Variants in RYR2 observed in about 807,000 individuals in gnomAD.
RYR2 encodes ryanodine receptor 2, also known as cardiac muscle ryanodine receptor-calcium release channel.
RYR2 carries 227 observed loss-of-function variants against 601.1 expected under a neutral mutation model. The ratio of observed to expected loss-of-function variants is 0.38; its 90% CI spans 0.34 to 0.42. The LOEUF (loss-of-function observed/expected upper bound fraction) is 0.42. Ranked by LOEUF, RYR2 falls within the 10% of genes least tolerant of loss-of-function variation. RYR2 has a pLI of 1.00. For synonymous variants in RYR2, 2,223 were observed against 2,175.1 expected, an observed-to-expected ratio of 1.02 and a Z score of -0.61; for missense variants, 4,646 against 6,156.5, an observed-to-expected ratio of 0.75 and a Z score of 8.21.
At chr1:237,245,374 G>A (rs1186061958) in intron 1 of RYR2, among the ~76,000 whole-genome samples, 2 of 152,154 alleles carry the variant, frequency 1.3e-5, no homozygotes, top group African/African-American at 2.4e-5. Flanking sequence ...TTTCTATGTA[G>A]GCTTCTAAAG....
chr1:237,366,256 A>G (rs1700184252), intron 5 of RYR2, among the ~76,000 whole-genome samples: 1 of 152,210 alleles, frequency 6.6e-6, no homozygotes, highest in South Asian at 2.1e-4. Flanking sequence ...CTTTCCATGA[A>G]GACACCATCC....
intron 29 of RYR2, among the ~76,000 whole-genome samples, chr1:237,587,678 A>G (rs1224126653): frequency 6.6e-6 from 1 of 152,204 alleles, no homozygotes; most frequent in Non-Finnish European, 1.5e-5. Flanking sequence ...AGAATTGTAA[A>G]CATAGCTATG....
At chr1:237,645,569 C>T (rs980376139) in intron 48 of RYR2, among the ~76,000 whole-genome samples, 5 of 152,042 alleles carry the variant, frequency 3.3e-5, no homozygotes, top group African/African-American at 1.2e-4. Flanking sequence ...TAACAAAGAA[C>T]CAAGAACATA....
Position 237,123,307 on chromosome 1 carries a change from C to T in RYR2, c.48+80738C>T, listed in dbSNP as rs150999105. Among the ~76,000 whole-genome samples, 477 of 152,242 alleles carry T rather than the reference C, an allele frequency of 3.1e-3. 6 individuals carry two copies. The highest frequency in any genetic ancestry group is 0.011 in the African/African-American group (460 of 41,536). ...TTTTATTTAAAAATACTGATGAGAG[C>T]TGAGTGCTGTGGCTCATACCTGTAA... is the stretch of plus-strand genomic sequence containing the variant. On this transcript the variant is annotated intron_variant, in intron 1 of 104. Transcript: ENST00000366574.
At chr1:237,246,198 C>T (rs765266496) in intron 1 of RYR2, among the ~76,000 whole-genome samples, 63 of 151,010 alleles carry the variant, frequency 4.2e-4, no homozygotes, top group African/African-American at 1.4e-3. Context: ...TGGGTTCCAG[C>T]GATTCTCCTG....
At chr1:237,760,784 G>A (rs1693358759) in intron 83 of RYR2, among the ~76,000 whole-genome samples, 171 bp from the exon 84 acceptor site, 1 of 138,014 alleles carries the variant, frequency 7.2e-6, no homozygotes, top group African/African-American at 2.7e-5. Flanking sequence ...GGAGACACTA[G>A]TCTGCCACTA....
At chr1:237,444,371 T>A (rs1350813561) in intron 13 of RYR2, among the ~76,000 whole-genome samples, 1 of 152,202 alleles carries the variant, frequency 6.6e-6, no homozygotes, top group Non-Finnish European at 1.5e-5. Flanking sequence ...GGCTATAATA[T>A]TTTGCCTTTG....
Position 237,610,861 on chromosome 1 carries a change from C to T in RYR2, c.4783C>T (p.Leu1595=). 1.9e-6 allele frequency: 3 copies of T among 1,613,386 alleles called. No individual in the cohort carries two copies. The South Asian group carries it at 3.3e-5, about 18-fold the overall frequency. The change falls in exon 36 of 105, where the codon CTG becomes TTG. Residue 1595 remains leucine, a synonymous_variant. Transcript: ENST00000366574. This position sits in a 1 kb window ranked among gnomAD's most constrained non-coding sequence, Gnocchi z 4.9. The stretch of plus-strand genomic sequence containing the variant: ...CCACGTGCAGTTCCTGTCACACGTC[C>T]TGTGGAGCAGAATGCCCAACCAGTT... ...RLHVQFLSHV[L]WSRMPNQFLK...
At chr1:237,225,985 G>A (rs1016462151) in intron 1 of RYR2, among the ~76,000 whole-genome samples, 4 of 151,926 alleles carry the variant, frequency 2.6e-5, no homozygotes, top group Non-Finnish European at 5.9e-5. Flanking sequence ...AACTGGGGAG[G>A]TGGAGGTTGC....
Position 237,419,625 on chromosome 1 carries a change from T to C in RYR2, c.848+2502T>C, listed in dbSNP as rs535425713. ...CCACAGAGAAGGCAGAGCAGGTAGT[T>C]TTTCAACCATTTAGCAGCTTAAAGA... On this transcript the variant is annotated intron_variant, in intron 11 of 104. Transcript: ENST00000366574. Among the ~76,000 whole-genome samples, 10 of 152,242 alleles carry C rather than the reference T, an allele frequency of 6.6e-5. 1 individual carries two copies. In the South Asian group the frequency reaches 1.9e-3, roughly 29 times the overall value.
At chr1:237,454,314 C>A in intron 14 of RYR2, 77 bp from the exon 15 acceptor site, 1 of 1,436,408 alleles carries the variant, frequency 7.0e-7, no homozygotes, top group South Asian at 1.4e-5. Flanking sequence ...AGATTAATGC[C>A]TGAAATCATC....
At chr1:237,543,854 G>T (rs1489191232) in intron 25 of RYR2, among the ~76,000 whole-genome samples, 1 of 152,130 alleles carries the variant, frequency 6.6e-6, no homozygotes, top group Non-Finnish European at 1.5e-5. Flanking sequence ...AAAAATGTGG[G>T]TCAGATGGGA....
In RYR2 at chr1:237,771,994, T is replaced by G; in HGVS notation, c.11558-18T>G. 6 of 1,414,854 alleles carry G rather than the reference T, an allele frequency of 4.2e-6. No individual in the cohort carries two copies. The highest frequency in any genetic ancestry group is 5.9e-6 in the Non-Finnish European group (6 of 1,024,310). 87.6% of individuals were successfully genotyped at this position (1,414,854 alleles called of 1,614,324 possible). ...AACTTCTGAGCAAGCATTAATAACA[T>G]TTTTTTATCTTGCATAGATTTTCAG... On this transcript the variant is annotated intron_variant, in intron 85 of 104. Transcript: ENST00000366574.
intron 2 of RYR2, among the ~76,000 whole-genome samples, chr1:237,285,406 G>A (rs2149398259): frequency 6.6e-6 from 1 of 152,200 alleles, no homozygotes; most frequent in Admixed American, 6.5e-5. Context: ...TTATCTTTTT[G>A]ATATGTTGTT....
At chr1:237,129,245 C>G (rs1028537367) in intron 1 of RYR2, among the ~76,000 whole-genome samples, 1 of 152,138 alleles carries the variant, frequency 6.6e-6, no homozygotes, top group Non-Finnish European at 1.5e-5. Flanking sequence ...AGAGTTAGTT[C>G]CTTGAAAATA....
Position 237,320,064 on chromosome 1 carries a change from A to G in RYR2, c.169-10814A>G, listed in dbSNP as rs1432193971. Among the ~76,000 whole-genome samples the G allele has an allele frequency of 1.1e-4, 16 of 152,306 alleles. No homozygotes were observed. The East Asian group carries it at 2.9e-3, about 28-fold the overall frequency. On this transcript the variant is annotated intron_variant, in intron 2 of 104. Coordinates refer to ENST00000366574, the MANE Select transcript of RYR2 (RefSeq NM_001035.3). ...AGTAGCCCAGGAAAGAACACCACAG[A>G]TTTACTGTTCTTACCCAAATTGTGG...
At chr1:237,321,449 G>A (rs1284744023) in intron 2 of RYR2, among the ~76,000 whole-genome samples, 7 of 152,120 alleles carry the variant, frequency 4.6e-5, no homozygotes, top group South Asian at 4.1e-4. Flanking sequence ...ACATGATTCC[G>A]ATATACTTCT....
chr1:237,198,655 T>C (rs1224570262), intron 1 of RYR2, among the ~76,000 whole-genome samples: 1 of 152,144 alleles, frequency 6.6e-6, no homozygotes. Context: ...TGAACTTGAC[T>C]GCTCTTAGAG....
At chr1:237,212,964 G>T (rs1404000634) in intron 1 of RYR2, among the ~76,000 whole-genome samples, 1 of 151,790 alleles carries the variant, frequency 6.6e-6, no homozygotes. Context: ...TAGAGACAGG[G>T]TTTCACCATG....
Sources: gnomAD v4.1 joint callset for allele counts (sites outside exome capture counted in the v4.1 genomes callset) on GRCh38, gnomAD v4.1.1 for gene constraint, Gnocchi (gnomAD v3.1) non-coding constraint, MANE v1.5 for transcripts, NCBI Gene and HGNC (gene_info 2026-07-23, HGNC 2026-07-21) for gene names.